The following D2HGDH variants were observed in gnomAD, a reference collection of about 807,000 sequenced individuals.
D2HGDH encodes the protein D-2-hydroxyglutarate dehydrogenase, mitochondrial.
In D2HGDH, 31 loss-of-function variants were observed where a neutral mutation model predicts 46.9. The ratio of observed to expected loss-of-function variants is 0.66; its 90% CI spans 0.50 to 0.89. D2HGDH has a LOEUF of 0.89. D2HGDH is among the 40% of genes least tolerant of loss of function. The pLI is 0.00. For synonymous variants in D2HGDH, 364 were observed against 332.6 expected (o/e 1.09, Z -1.03); for missense variants, 698 against 720.8 (o/e 0.97, Z 0.36).
chr2:241,754,962 T>C (rs1302391181), intron 8 of D2HGDH: 2 of 1,198,852 alleles, frequency 1.7e-6, no homozygotes, highest in African/African-American at 3.2e-5. Flanking sequence ...GGTGCTGGGC[T>C]TGAGCCCTGG....
chr2:241,754,596 A>G (rs910192876), intron 8 of D2HGDH: 1 of 153,424 alleles, frequency 6.5e-6, no homozygotes, highest in African/African-American at 2.4e-5. Flanking sequence ...CCTCAATAAA[A>G]CAGAGTCTTT....
intron 9 of D2HGDH, among the ~76,000 whole-genome samples, chr2:241,762,656 T>C (rs1698935772): frequency 6.6e-6 from 1 of 152,162 alleles, no homozygotes; most frequent in African/African-American, 2.4e-5. Context: ...GGGTCCCGCC[T>C]CTCAGGTTTG....
intron 2 of D2HGDH, among the ~76,000 whole-genome samples, chr2:241,738,874 C>CT (rs2125037121): frequency 6.6e-6 from 1 of 152,300 alleles, no homozygotes; most frequent in African/African-American, 2.4e-5. Flanking sequence ...TGATGTGAGG[C>CT]TTAGTTGTTG....
chr2:241,747,589 G>A (rs1490617151), intron 6 of D2HGDH, among the ~76,000 whole-genome samples: 1 of 147,688 alleles, frequency 6.8e-6, no homozygotes, highest in African/African-American at 2.5e-5. Context: ...TTTTTTGAGA[G>A]ACAAGGTCTC....
intron 9 of D2HGDH, among the ~76,000 whole-genome samples, chr2:241,763,768 A>G (rs6740752): frequency 0.61 from 91,967 of 152,010 alleles, 29,942 homozygotes; most frequent in African/African-American, 0.87. Context: ...CGTGGCTCAC[A>G]CCTGTAATCT....
chr2:241,763,716 A>G (rs1009094335), intron 9 of D2HGDH, among the ~76,000 whole-genome samples: 1 of 152,278 alleles, frequency 6.6e-6, no homozygotes, highest in Middle Eastern at 3.4e-3. Flanking sequence ...AAACGTTGTT[A>G]TGAAGCGTGA....
At chr2:241,749,007 C>G in intron 6 of D2HGDH, 1 of 1,157,770 alleles carries the variant, frequency 8.6e-7, no homozygotes, top group Non-Finnish European at 1.1e-6. Context: ...GGAACAGGCC[C>G]TGTGAGGATG....
At position 241,744,203 on chromosome 2, in the gene D2HGDH, C is replaced by T. The variant is rs547333421; in HGVS notation, c.684+388C>T. Reference sequence around the variant, plus strand: ...TCTGTTTACCCGCACCCTCACCAGCCGAGTGTCACAGGCAGAGCTCTCTGT... The same window carrying T: ...TCTGTTTACCCGCACCCTCACCAGCTGAGTGTCACAGGCAGAGCTCTCTGT... On this transcript the variant is annotated intron_variant, in intron 5 of 9. Coordinates refer to ENST00000321264, the MANE Select transcript of D2HGDH (RefSeq NM_152783.5). Among the ~76,000 whole-genome samples the T allele has an allele frequency of 2.3e-4, 35 of 152,322 alleles. No individual in the cohort carries two copies. In the South Asian group the frequency reaches 6.6e-3, roughly 29 times the overall value.
Position 241,735,407 on chromosome 2 carries a change from G to C in D2HGDH, c.183G>C (p.Thr61=), listed in dbSNP as rs765381324. ...RYPVRRLPFS[T]VSKQDLAAFE... The stretch of plus-strand genomic sequence containing the variant: ...CCGTGCGGCGCTTGCCGTTCTCCAC[G>C]GTGTCTAAGCAGGACCTGGCCGCCT... Residue 61 remains threonine (T), a synonymous_variant, in exon 2 of 10, where the codon ACG becomes ACC. Coordinates refer to ENST00000321264, the MANE Select transcript of D2HGDH (RefSeq NM_152783.5). 2 of 1,603,608 alleles carry C rather than the reference G, an allele frequency of 1.2e-6. No individual in the cohort carries two copies. Among genetic ancestry groups the C allele is most frequent in the East Asian group, 4.5e-5 (2 of 44,496 alleles).
At chr2:241,760,011 G>T (rs531543093) in intron 9 of D2HGDH, among the ~76,000 whole-genome samples, 1 of 151,000 alleles carries the variant, frequency 6.6e-6, no homozygotes, top group Non-Finnish European at 1.5e-5. Flanking sequence ...CACAGTGTGG[G>T]TGGGCCTTAC....
At chr2:241,747,509 G>C (rs566619830) in intron 6 of D2HGDH, among the ~76,000 whole-genome samples, 120 of 151,142 alleles carry the variant, frequency 7.9e-4, no homozygotes, top group Non-Finnish European at 1.4e-3. Context: ...GTAGGGCTGT[G>C]TCGGGCTGAT....
intron 9 of D2HGDH, among the ~76,000 whole-genome samples, chr2:241,761,480 A>G (rs1430420780): frequency 1.3e-5 from 2 of 152,194 alleles, no homozygotes; most frequent in African/African-American, 4.8e-5. Context: ...CGGAGGTTGC[A>G]GTGAGGCGAG....
In D2HGDH at chr2:241,743,101, G is replaced by T. The variant is rs530444166; in HGVS notation, c.491-521G>T. ...GCGTGAGGGGATCCTGACCCAGGGTGCCAGGGCGTGGCAGGCATGAGGGGA... is the reference window on the plus strand; with the variant it reads ...GCGTGAGGGGATCCTGACCCAGGGTTCCAGGGCGTGGCAGGCATGAGGGGA... On this transcript the variant is annotated intron_variant, in intron 4 of 9. Transcript: ENST00000321264. This position sits in a 1 kb window ranked among gnomAD's most constrained non-coding sequence, Gnocchi z 4.8. Among the ~76,000 whole-genome samples the T allele has an allele frequency of 5.5e-5, 3 of 54,068 alleles. 1 individual carries two copies. Among genetic ancestry groups the T allele is most frequent in the African/African-American group, 3.9e-4 (3 of 7,718 alleles). 35.5% of individuals were successfully genotyped at this position (54,068 alleles called of 152,430 possible).
intron 8 of D2HGDH, among the ~76,000 whole-genome samples, chr2:241,753,870 G>A (rs1697706005): frequency 6.6e-6 from 1 of 152,266 alleles, no homozygotes; most frequent in South Asian, 2.1e-4. Flanking sequence ...CGCAGCAGAA[G>A]GAACAAGCTC....
At chr2:241,758,067 C>T (rs775512053) in intron 9 of D2HGDH, among the ~76,000 whole-genome samples, 5 of 152,052 alleles carry the variant, frequency 3.3e-5, no homozygotes, top group Non-Finnish European at 7.4e-5. Context: ...TGGTAAGTTA[C>T]ACTGATTGAT....
intron 3 of D2HGDH, among the ~76,000 whole-genome samples, chr2:241,741,508 TCCAGGG>T: frequency 6.9e-6 from 1 of 145,754 alleles, no homozygotes; most frequent in African/African-American, 2.6e-5. Flanking sequence ...GCTTGCTGTC[TCCAGGG>T]TTTATTTCAT....
chr2:241,755,884 G>A lies in D2HGDH; in HGVS notation c.1176G>A (p.Ala392=), dbSNP rs374395762. The A allele has an allele frequency of 2.5e-5, 40 of 1,613,018 alleles. No individual in the cohort carries two copies. The East Asian group carries it at 3.6e-4, about 14-fold the overall frequency. ...LWALRERITE[A]LSRDGYVYKY... is the part of the protein sequence containing the mutation. ...CCCTGAGGGAAAGGATCACAGAGGC[G>A]CTGAGCCGGGATGGCTACGTGTACA... Residue 392 remains alanine (A), a synonymous_variant, in exon 9 of 10, where the codon GCG becomes GCA. Transcript: ENST00000321264.
At chr2:241,755,267 C>T (rs896287343) in intron 8 of D2HGDH, 3 of 1,293,852 alleles carry the variant, frequency 2.3e-6, no homozygotes, top group African/African-American at 1.5e-5. Flanking sequence ...TCCTTCCCTC[C>T]CCTGTGGCCC....
chr2:241,767,895 A>G lies in D2HGDH; in HGVS notation c.1492A>G (p.Met498Val). 6.2e-7 allele frequency: 1 copy of G among 1,606,482 alleles called. No individual in the cohort carries two copies. The highest frequency in any genetic ancestry group is 1.3e-5 in the African/African-American group (1 of 74,860). The part of the protein sequence containing the change: ...YSKPPGALQL[M>V]QQLKALLDPK... Reference sequence around the variant, plus strand: ...CAAGCCACCGGGGGCCCTGCAGCTCATGCAGCAGCTCAAGGCCCTGCTGGA... The same window carrying G: ...CAAGCCACCGGGGGCCCTGCAGCTCGTGCAGCAGCTCAAGGCCCTGCTGGA... The change falls in exon 10 of 10, where the codon ATG (methionine) becomes GTG (valine). Residue 498 changes from methionine (M) to valine (V), a missense_variant. By Grantham distance (21) the Met-to-Val change is conservative. Transcript: ENST00000321264.
Sources: gnomAD v4.1 joint callset for allele counts (sites outside exome capture counted in the v4.1 genomes callset) on GRCh38, gnomAD v4.1.1 for gene constraint, Gnocchi (gnomAD v3.1) non-coding constraint, MANE v1.5 for transcripts, NCBI Gene and HGNC (gene_info 2026-07-23, HGNC 2026-07-21) for gene names.